Variants in ANK3 observed in about 807,000 individuals in gnomAD.
ANK3 encodes the protein ankyrin 3.
A neutral mutation model predicts 370.9 loss-of-function variants in ANK3; 57 were observed. That is an observed-to-expected ratio of 0.15 (90% CI 0.12 to 0.19). The LOEUF is 0.19. Among genes scored for constraint, ANK3 ranks in the 10% least tolerant of loss-of-function variants. ANK3 has a pLI of 1.00. For missense variants in ANK3, 4,439 were observed against 5,302.1 expected (o/e 0.84, Z 5.06); for synonymous variants, 1,929 against 1,946.3 (o/e 0.99, Z 0.23).
chr10:60,587,196 C>T (rs879612422), intron 2 of ANK3, among the ~76,000 whole-genome samples: 3 of 152,126 alleles, frequency 2.0e-5, no homozygotes, highest in Non-Finnish European at 2.9e-5. Context: ...CACTCACTCT[C>T]AAGAGAACAG....
chr10:60,035,420 T>C (rs146473036), intron 43 of ANK3, among the ~76,000 whole-genome samples: 1 of 151,932 alleles, frequency 6.6e-6, no homozygotes, highest in African/African-American at 2.4e-5. Context: ...GGCTAATTTT[T>C]ATCTTTTTAG....
chr10:60,250,103 A>G (rs932833444), intron 7 of ANK3, among the ~76,000 whole-genome samples: 1 of 152,258 alleles, frequency 6.6e-6, no homozygotes, highest in South Asian at 2.1e-4. Flanking sequence ...TAATTGTTAC[A>G]AGTAAATGAT....
intron 7 of ANK3, among the ~76,000 whole-genome samples, chr10:60,249,748 C>T (rs2097617857): frequency 6.6e-6 from 1 of 152,172 alleles, no homozygotes; most frequent in African/African-American, 2.4e-5. Flanking sequence ...GCCATGAAGA[C>T]CCCAGCTACC....
At chr10:60,432,245 A>G (rs2064043288) in intron 2 of ANK3, among the ~76,000 whole-genome samples, 1 of 152,220 alleles carries the variant, frequency 6.6e-6, no homozygotes, top group African/African-American at 2.4e-5. Context: ...ATTTTTCATC[A>G]AACCAGCTGG....
chr10:60,164,996 G>A (rs979412939), intron 23 of ANK3, among the ~76,000 whole-genome samples: 5 of 152,140 alleles, frequency 3.3e-5, no homozygotes, highest in African/African-American at 1.2e-4. Context: ...GTTAAGTAAC[G>A]AGGTCAATTA....
intron 23 of ANK3, chr10:60,144,308 G>C: frequency 2.7e-6 from 1 of 366,506 alleles, no homozygotes; most frequent in Non-Finnish European, 5.2e-6. Flanking sequence ...TAATAAATTA[G>C]AGTTAGCTCT....
intron 2 of ANK3, among the ~76,000 whole-genome samples, chr10:60,501,366 C>T (rs1175271192): frequency 6.6e-6 from 1 of 152,156 alleles, no homozygotes; most frequent in Non-Finnish European, 1.5e-5. Flanking sequence ...AACCACAGTG[C>T]TGACAAAGTG....
intron 1 of ANK3, among the ~76,000 whole-genome samples, chr10:60,726,771 T>A (rs958172417): frequency 6.6e-6 from 1 of 152,160 alleles, no homozygotes; most frequent in Non-Finnish European, 1.5e-5. Context: ...TTGAGCGCTT[T>A]AGATGGGTGA....
At chr10:60,261,331 C>T (rs1293304149) in intron 7 of ANK3, among the ~76,000 whole-genome samples, 1 of 152,164 alleles carries the variant, frequency 6.6e-6, no homozygotes, top group Non-Finnish European at 1.5e-5. Flanking sequence ...CATTGTAATT[C>T]CTTTCTTCAA....
At chr10:60,127,346 T>G (rs936713987) in intron 25 of ANK3, among the ~76,000 whole-genome samples, 3 of 152,148 alleles carry the variant, frequency 2.0e-5, no homozygotes, top group African/African-American at 7.2e-5. Flanking sequence ...TGGGTGGGGT[T>G]AGGGATTCGA....
chr10:60,627,162 A>G (rs2078422740), intron 1 of ANK3, among the ~76,000 whole-genome samples: 1 of 152,168 alleles, frequency 6.6e-6, no homozygotes, highest in African/African-American at 2.4e-5. Flanking sequence ...TCAGAGGTGT[A>G]GATTAGCTGT....
chr10:60,073,230 G>T lies in ANK3; in HGVS notation c.7651C>A (p.Pro2551Thr). 6.2e-7 allele frequency: 1 copy of T among 1,614,028 alleles called. No homozygotes were observed. Among genetic ancestry groups the T allele is most frequent in the Non-Finnish European group, 8.5e-7 (1 of 1,179,992 alleles). ...VLHYSGNVSSPKHAMWMRFTE... is the reference protein window; with the variant it reads ...VLHYSGNVSSTKHAMWMRFTE... The stretch of plus-strand genomic sequence containing the variant: ...AAGCGCATCCACATGGCATGTTTTG[G>T]ACTACTAACATTGCCAGAATAGTGC... Residue 2551 changes from proline (P) to threonine (T), a missense_variant, in exon 37 of 44, where the codon CCA (proline) becomes ACA (threonine). Physicochemically the swap from Pro to Thr is conservative, Grantham distance 38. Coordinates refer to ENST00000280772, the MANE Select transcript of ANK3 (RefSeq NM_020987.5).
At chr10:60,251,169 T>C (rs1343299571) in intron 7 of ANK3, among the ~76,000 whole-genome samples, 1 of 152,198 alleles carries the variant, frequency 6.6e-6, no homozygotes, top group African/African-American at 2.4e-5. Context: ...TGAAAGCTAT[T>C]AACTAAATTA....
chr10:60,173,621 G>A (rs1323166610), intron 18 of ANK3, among the ~76,000 whole-genome samples: 1 of 152,170 alleles, frequency 6.6e-6, no homozygotes, highest in Admixed American at 6.5e-5. Flanking sequence ...ATGGCAGGAG[G>A]TGATTATCAG....
chr10:60,675,940 GA>G (rs57094152), intron 1 of ANK3, among the ~76,000 whole-genome samples: 8,000 of 146,748 alleles, frequency 0.055, 292 homozygotes, highest in African/African-American at 0.091. Flanking sequence ...ATTGGAGAAT[GA>G]AAAAAAAAAG....
rs869144298 is a variant in ANK3, at chr10:60,246,255, C to CAAAAAAAAA, written c.799-11478_799-11470dup. On this transcript the variant is annotated intron_variant, in intron 7 of 43. Transcript: ENST00000280772. ...TGGGCAACAGAGAGAAACCCTGTAT[C>CAAAAAAAAA]AAAAAAAAAAAAAAAAAAAAAAAAA... Among the ~76,000 whole-genome samples, 58 of 92,642 alleles carry CAAAAAAAAA rather than the reference C, an allele frequency of 6.3e-4. 5 individuals are homozygous for CAAAAAAAAA. Among genetic ancestry groups the CAAAAAAAAA allele is most frequent in the African/African-American group, 2.3e-3 (49 of 21,240 alleles). The allele number at this position is 92,642 out of a possible 152,430, so 60.8% of individuals were successfully genotyped here. A position where few individuals can be genotyped will look rare whatever the true frequency, so the allele number is the denominator to read the frequency against.
chr10:60,501,705 CAAAAAAAA>C (rs376934079), intron 2 of ANK3, among the ~76,000 whole-genome samples: 2 of 79,800 alleles, frequency 2.5e-5, no homozygotes, highest in Non-Finnish European at 5.0e-5. Flanking sequence ...GACTCTGTCT[CAAAAAAAA>C]AAAAAAAAAA....
intron 38 of ANK3, among the ~76,000 whole-genome samples, chr10:60,065,600 T>C (rs2081482376): frequency 6.6e-6 from 1 of 152,164 alleles, no homozygotes. Context: ...TTGAAAACAA[T>C]CTGCATGTTG....
chr10:60,103,484 TG>T (rs1207574470), intron 28 of ANK3, among the ~76,000 whole-genome samples: 1 of 5,386 alleles, frequency 1.9e-4, no homozygotes, highest in Non-Finnish European at 1.0e-3. Flanking sequence ...AAGACAGATT[TG>T]GGATTTTTTT....
Sources: gnomAD v4.1 joint callset for allele counts (sites outside exome capture counted in the v4.1 genomes callset) on GRCh38, gnomAD v4.1.1 for gene constraint, MANE v1.5 for transcripts, NCBI Gene and HGNC (gene_info 2026-07-23, HGNC 2026-07-21) for gene names.